RAP1GAP: variants seen among roughly 807,000 people sequenced by gnomAD.
RAP1GAP encodes the protein rap1 GTPase-activating protein 1.
In RAP1GAP, 35 loss-of-function variants were observed where a neutral mutation model predicts 87.2. That is an observed-to-expected ratio of 0.40 (90% confidence interval 0.31 to 0.53). The LOEUF (loss-of-function observed/expected upper bound fraction) is 0.53, where lower values mean the gene tolerates loss of function less well. Ranked by LOEUF, RAP1GAP falls within the 20% of genes least tolerant of loss-of-function variation. RAP1GAP has a pLI of 0.48. For synonymous variants in RAP1GAP, 375 were observed against 363.9 expected (o/e 1.03, Z -0.35); for missense variants, 734 against 898.9 (o/e 0.82, Z 2.35).
intron 2 of RAP1GAP, among the ~76,000 whole-genome samples, chr1:21,630,271 T>TTC (rs893717475): frequency 2.0e-5 from 3 of 151,782 alleles, no homozygotes; most frequent in Non-Finnish European, 2.9e-5. Context: ...TTTCCCTTTT[T>TTC]TTTTTTTGTT....
chr1:21,602,695 T>G, intron 19 of RAP1GAP, 109 bp downstream of exon 19: 1 of 937,676 alleles, frequency 1.1e-6, no homozygotes, highest in Non-Finnish European at 1.6e-6. Flanking sequence ...CTAGTGGGGA[T>G]GGAGAGGCAG....
Position 21,613,855 on chromosome 1 carries a change from G to T in RAP1GAP, c.395+131C>A. 8.8e-7 allele frequency: 1 copy of T among 1,131,196 alleles called. No individual in the cohort carries two copies. The highest frequency in any genetic ancestry group is 1.3e-6 in the Non-Finnish European group (1 of 770,374). 70.1% of individuals were successfully genotyped at this position (1,131,196 alleles called of 1,614,324 possible). ...GTCAGGCTGACTCGGGTACTAACTT[G>T]CTGTGCAACCTCAAGCAAATCCCTG... is the stretch of plus-strand genomic sequence containing the variant. On this transcript the variant is annotated intron_variant, in intron 8 of 24. Coordinates refer to ENST00000374765, the MANE Select transcript of RAP1GAP (RefSeq NM_002885.4). This position sits in a 1 kb window ranked among gnomAD's most constrained non-coding sequence, Gnocchi z 4.7.
chr1:21,631,893 G>A (rs570968880), intron 2 of RAP1GAP, among the ~76,000 whole-genome samples: 4 of 152,052 alleles, frequency 2.6e-5, no homozygotes, highest in Non-Finnish European at 4.4e-5. Context: ...CCTCAGTCCC[G>A]TCACCTGGCC....
chr1:21,659,473 C>T (rs2097020534), intron 1 of RAP1GAP, among the ~76,000 whole-genome samples: 1 of 152,158 alleles, frequency 6.6e-6, no homozygotes, highest in Non-Finnish European at 1.5e-5. Context: ...CTCGCCCTCT[C>T]CCCGGCGCCA....
chr1:21,641,886 T>C (rs528769816), intron 2 of RAP1GAP, among the ~76,000 whole-genome samples: 3 of 152,304 alleles, frequency 2.0e-5, no homozygotes, highest in South Asian at 2.1e-4. Context: ...GAGGGTGATG[T>C]TTCTCTAGGT....
chr1:21,597,895 T>G lies in RAP1GAP; in HGVS notation c.1983+66A>C, dbSNP rs957798643. On this transcript the variant is annotated intron_variant, in intron 23 of 24. Coordinates refer to ENST00000374765, the MANE Select transcript of RAP1GAP (RefSeq NM_002885.4). ...CTTGGTCGAGCCTCAGCTCCCAGCCTCCCCGCCAGCTCATCCCCTCCCGGG... is the reference window on the plus strand; with the variant it reads ...CTTGGTCGAGCCTCAGCTCCCAGCCGCCCCGCCAGCTCATCCCCTCCCGGG... The G allele has an allele frequency of 2.7e-6, 4 of 1,507,858 alleles. No homozygotes were observed. In the South Asian group the frequency reaches 3.6e-5, roughly 14 times the overall value. 93.4% of individuals were successfully genotyped at this position (1,507,858 alleles called of 1,614,324 possible). A position where few individuals can be genotyped will look rare whatever the true frequency, so the allele number is the denominator to read the frequency against.
Position 21,608,246 on chromosome 1 carries a change from G to A in RAP1GAP, c.1263C>T (p.Gly421=), listed in dbSNP as rs2076077032. 6.2e-7 allele frequency: 1 copy of A among 1,614,068 alleles called. No homozygotes were observed. The highest frequency in any genetic ancestry group is 1.1e-5 in the South Asian group (1 of 91,082). Residue 421 remains glycine, a synonymous_variant, in exon 17 of 25, where the codon GGC becomes GGT. Coordinates refer to ENST00000374765, the MANE Select transcript of RAP1GAP (RefSeq NM_002885.4). ...ACTCAAAGAAGCCGCCGCCCCCACT[G>A]CCATTCTCCATCTTGTCCTCGTCGC... The part of the protein sequence containing the change: ...LGGDEDKMEN[G]SGGGGFFESF...
Position 21,619,013 on chromosome 1 carries a change from A to G in RAP1GAP, c.66+12T>C. The G allele has an allele frequency of 1.3e-6, 2 of 1,592,944 alleles. No homozygotes were observed. The highest frequency in any genetic ancestry group is 1.7e-6 in the Non-Finnish European group (2 of 1,168,340). ...CCCCTAGAGAGGGAGGCAGACTGCC[A>G]GGCCCACCTACTTTGAGGGGCGGCG... On this transcript the variant is annotated intron_variant, in intron 5 of 24. Coordinates refer to ENST00000374765, the MANE Select transcript of RAP1GAP (RefSeq NM_002885.4).
At chr1:21,660,339 C>CCATATATATATATATA (rs1553503814) in intron 1 of RAP1GAP, among the ~76,000 whole-genome samples, 9 of 52,826 alleles carry the variant, frequency 1.7e-4, no homozygotes, top group Admixed American at 2.7e-4. Flanking sequence ...TCCAACTCAG[C>CCATATATATATATATA]TATATATATT....
intron 3 of RAP1GAP, among the ~76,000 whole-genome samples, chr1:21,623,386 G>T (rs1161057851): frequency 6.6e-6 from 1 of 152,240 alleles, no homozygotes; most frequent in Admixed American, 6.5e-5. Flanking sequence ...CCACTGTACA[G>T]CAGGGACAGG....
intron 2 of RAP1GAP, among the ~76,000 whole-genome samples, chr1:21,635,356 C>T (rs1455570278): frequency 3.3e-5 from 5 of 152,200 alleles, no homozygotes; most frequent in East Asian, 1.9e-4. Context: ...CTCACCCACT[C>T]GGTCATCTAC....
intron 3 of RAP1GAP, chr1:21,623,044 A>G (rs853480): frequency 0.2 from 30,038 of 151,846 alleles, 3,728 homozygotes; most frequent in East Asian, 0.35. Flanking sequence ...GCCTGGTGCT[A>G]CTCTTTGGGG....
At chr1:21,651,645 A>C in intron 1 of RAP1GAP, 1 of 944,810 alleles carries the variant, frequency 1.1e-6, no homozygotes, top group Non-Finnish European at 1.6e-6. Context: ...ACTGAGGTCA[A>C]ACGCTCAGCC....
intron 1 of RAP1GAP, chr1:21,651,877 G>T: frequency 2.9e-6 from 3 of 1,039,570 alleles, no homozygotes; most frequent in South Asian, 8.8e-5. Context: ...GCCTTCCCGC[G>T]CCCGGGTCAC....
At chr1:21,627,118 C>A (rs889223876) in intron 2 of RAP1GAP, among the ~76,000 whole-genome samples, 8 of 152,220 alleles carry the variant, frequency 5.3e-5, no homozygotes, top group Middle Eastern at 3.2e-3. Flanking sequence ...AAAAAGCCTG[C>A]CGAGGCCACC....
At chr1:21,621,811 AG>A (rs112721327) in intron 3 of RAP1GAP, among the ~76,000 whole-genome samples, 3,939 of 152,312 alleles carry the variant, frequency 0.026, 181 homozygotes, top group African/African-American at 0.088. Context: ...AAACGTAGCC[AG>A]GAACACTCTA....
At chr1:21,617,622 G>C in intron 6 of RAP1GAP, 131 bp from the exon 7 acceptor site, 2 of 1,104,220 alleles carry the variant, frequency 1.8e-6, no homozygotes, top group Non-Finnish European at 2.5e-6. Context: ...CAGAGCCTGT[G>C]TGGGCCCCAG....
chr1:21,633,788 C>A (rs1055621220), intron 2 of RAP1GAP, among the ~76,000 whole-genome samples: 2 of 152,142 alleles, frequency 1.3e-5, no homozygotes, highest in African/African-American at 4.8e-5. Context: ...GAGGGGAAGG[C>A]CTGGGTCCAG....
At chr1:21,666,636 G>A (rs1021621737) in intron 1 of RAP1GAP, among the ~76,000 whole-genome samples, 5 of 152,132 alleles carry the variant, frequency 3.3e-5, no homozygotes, top group African/African-American at 4.8e-5. Context: ...TGCTGGGGAC[G>A]GTCGGGGGCC....
Sources: gnomAD v4.1 joint callset for allele counts (sites outside exome capture counted in the v4.1 genomes callset) on GRCh38, gnomAD v4.1.1 for gene constraint, Gnocchi (gnomAD v3.1) non-coding constraint, MANE v1.5 for transcripts, NCBI Gene and HGNC (gene_info 2026-07-23, HGNC 2026-07-21) for gene names.